Variants in TRPM3 observed in about 807,000 individuals in gnomAD.
TRPM3 encodes transient receptor potential cation channel subfamily M member 3.
In TRPM3, 77 loss-of-function variants were observed where a neutral mutation model predicts 181.2. The observed-to-expected ratio is 0.42, with a 90% CI of 0.35 to 0.51. TRPM3 has a LOEUF of 0.51. TRPM3 is among the 20% of genes least tolerant of loss of function. The probability of loss-of-function intolerance (pLI) is 0.01; values close to 1 mark genes in which losing one functional copy is unlikely to be tolerated. For synonymous variants in TRPM3, 745 were observed against 796.4 expected (o/e 0.94, Z 1.09); for missense variants, 1,759 against 2,196.7 (o/e 0.80, Z 3.98).
In TRPM3 at chr9:70,625,081, T is replaced by C. The variant is rs2064304179; in HGVS notation, c.1809+110A>G. ...TTTCTTTGATTGTTTAGGTTCACTCTCAGCGCAATTTTCTGATTTTAATTC... is the reference window on the plus strand; with the variant it reads ...TTTCTTTGATTGTTTAGGTTCACTCCCAGCGCAATTTTCTGATTTTAATTC... On this transcript the variant is annotated intron_variant, in intron 14 of 25. Transcript: ENST00000677713. This position sits in a 1 kb window ranked among gnomAD's most constrained non-coding sequence, Gnocchi z 4.8. 1.6e-6 allele frequency: 2 copies of C among 1,228,116 alleles called. No homozygotes were observed. The highest frequency in any genetic ancestry group is 1.6e-5 in the South Asian group (1 of 61,656). 76.1% of individuals were successfully genotyped at this position (1,228,116 alleles called of 1,614,324 possible). A position where few individuals can be genotyped will look rare whatever the true frequency, so the allele number is the denominator to read the frequency against.
chr9:70,765,751 T>A (rs897352440), intron 7 of TRPM3, among the ~76,000 whole-genome samples: 1 of 152,194 alleles, frequency 6.6e-6, no homozygotes, highest in Non-Finnish European at 1.5e-5. Context: ...TTAGGATATA[T>A]GGAAGCCTGC....
intron 1 of TRPM3, among the ~76,000 whole-genome samples, chr9:71,439,084 CT>C (rs2094093447): frequency 6.6e-6 from 1 of 152,068 alleles, no homozygotes; most frequent in African/African-American, 2.4e-5. Context: ...AATAAACTAC[CT>C]TTGGTAAAAA....
At chr9:71,213,546 G>GGA (rs2079646828) in intron 1 of TRPM3, among the ~76,000 whole-genome samples, 1 of 151,970 alleles carries the variant, frequency 6.6e-6, no homozygotes, top group South Asian at 2.1e-4. Flanking sequence ...TCTTTTTAAG[G>GGA]GAGAGATATG....
chr9:70,666,125 TCTC>T (rs1387435274), intron 9 of TRPM3, among the ~76,000 whole-genome samples: 1 of 152,154 alleles, frequency 6.6e-6, no homozygotes, highest in East Asian at 1.9e-4. Flanking sequence ...TCTTGTGACA[TCTC>T]CTCTCATGCA....
At position 70,603,333 on chromosome 9, in the gene TRPM3, A is replaced by G. The variant is rs1469832230; in HGVS notation, c.2796+9T>C. On this transcript the variant is annotated intron_variant, in intron 20 of 25. Coordinates refer to ENST00000677713, the MANE Select transcript of TRPM3 (RefSeq NM_001366145.2). ...TTTCTCTTACGTTTTCTTTTATAAAAGCCGTTACCTCTCTCATCTTTTCTA... is the reference window on the plus strand; with the variant it reads ...TTTCTCTTACGTTTTCTTTTATAAAGGCCGTTACCTCTCTCATCTTTTCTA... 6.2e-7 allele frequency: 1 copy of G among 1,609,562 alleles called. No homozygotes were observed. The highest frequency in any genetic ancestry group is 1.1e-5 in the South Asian group (1 of 90,164).
intron 8 of TRPM3, among the ~76,000 whole-genome samples, chr9:70,698,140 G>A (rs773629753): frequency 3.3e-5 from 5 of 151,700 alleles, no homozygotes; most frequent in Non-Finnish European, 1.5e-5. Flanking sequence ...CCCGGGAGAC[G>A]GAGGTTGCAG....
chr9:71,205,578 T>G (rs2079075638), intron 1 of TRPM3, among the ~76,000 whole-genome samples: 1 of 152,164 alleles, frequency 6.6e-6, no homozygotes, highest in Admixed American at 6.6e-5. Context: ...TGTCAAGTGT[T>G]AAAACACATT....
At position 70,607,742 on chromosome 9, in the gene TRPM3, G is replaced by A. The variant is rs376142138; in HGVS notation, c.2667+2867C>T. On this transcript the variant is annotated intron_variant, in intron 19 of 25. Coordinates refer to ENST00000677713, the MANE Select transcript of TRPM3 (RefSeq NM_001366145.2). Reference sequence around the variant, plus strand: ...TCTAACAAAACTCCCTTGTCATCATGGACGTTTTAGAGATATTGATACTAT... The same window carrying A: ...TCTAACAAAACTCCCTTGTCATCATAGACGTTTTAGAGATATTGATACTAT... Among the ~76,000 whole-genome samples, 8 of 152,256 alleles carry A rather than the reference G, an allele frequency of 5.3e-5. No individual in the cohort carries two copies. The East Asian group carries it at 1.2e-3, about 22-fold the overall frequency.
At chr9:70,697,900 C>T (rs905758456) in intron 8 of TRPM3, among the ~76,000 whole-genome samples, 6 of 152,128 alleles carry the variant, frequency 3.9e-5, no homozygotes, top group East Asian at 1.9e-4. Flanking sequence ...CCTAGGTTAC[C>T]GCTATAGCCC....
At chr9:70,749,114 TCTC>T (rs1287093608) in intron 8 of TRPM3, among the ~76,000 whole-genome samples, 1 of 152,098 alleles carries the variant, frequency 6.6e-6, no homozygotes, top group Non-Finnish European at 1.5e-5. Context: ...GATCCACACT[TCTC>T]AGCCTCCCAT....
At chr9:70,686,807 T>C (rs1358701990) in intron 8 of TRPM3, among the ~76,000 whole-genome samples, 1 of 116,168 alleles carries the variant, frequency 8.6e-6, no homozygotes, top group Non-Finnish European at 1.8e-5. Flanking sequence ...CCCTCCCTCT[T>C]TCTTTTCTTT....
chr9:70,985,491 G>T (rs966327061), intron 1 of TRPM3, among the ~76,000 whole-genome samples: 1 of 152,186 alleles, frequency 6.6e-6, no homozygotes, highest in Non-Finnish European at 1.5e-5. Flanking sequence ...TTCTTGTTAT[G>T]CAGGAAATGA....
intron 19 of TRPM3, among the ~76,000 whole-genome samples, chr9:70,604,722 T>C (rs2060692402): frequency 6.7e-6 from 1 of 150,046 alleles, no homozygotes; most frequent in South Asian, 2.1e-4. Context: ...TCTCGGCTCA[T>C]TGTAGCATTG....
intron 1 of TRPM3, among the ~76,000 whole-genome samples, chr9:71,007,253 C>T (rs998274110): frequency 1.3e-5 from 2 of 151,818 alleles, no homozygotes; most frequent in African/African-American, 4.8e-5. Context: ...GACTATAAAA[C>T]ACTAACAGTG....
chr9:71,300,750 C>A (rs183355068), intron 1 of TRPM3, among the ~76,000 whole-genome samples: 142 of 152,212 alleles, frequency 9.3e-4, no homozygotes, highest in African/African-American at 3.3e-3. Flanking sequence ...ACTGTGTAAG[C>A]AATCCCTAGA....
chr9:71,334,186 G>T (rs1335853436), intron 1 of TRPM3, among the ~76,000 whole-genome samples: 1 of 151,652 alleles, frequency 6.6e-6, no homozygotes, highest in African/African-American at 2.4e-5. Context: ...TAAAATTAGA[G>T]AAAAAAATTA....
intron 7 of TRPM3, among the ~76,000 whole-genome samples, chr9:70,780,378 T>A (rs1460484980): frequency 6.6e-6 from 1 of 152,224 alleles, no homozygotes; most frequent in Non-Finnish European, 1.5e-5. Flanking sequence ...TATCCAATTC[T>A]ATTTGTACAA....
At chr9:70,585,544 C>G (rs888576580) in intron 22 of TRPM3, among the ~76,000 whole-genome samples, 1 of 152,192 alleles carries the variant, frequency 6.6e-6, no homozygotes, top group Admixed American at 6.5e-5. Context: ...CCCATAGTTC[C>G]TTGTCCCAGA....
intron 6 of TRPM3, among the ~76,000 whole-genome samples, chr9:70,792,897 A>G (rs2085867748): frequency 6.6e-6 from 1 of 152,146 alleles, no homozygotes; most frequent in Admixed American, 6.5e-5. Flanking sequence ...AAAAAATTCT[A>G]CTCAATTTTG....
Sources: allele counts gnomAD v4.1 joint callset (sites outside exome capture counted in the v4.1 genomes callset), GRCh38; gene constraint gnomAD v4.1.1; non-coding constraint Gnocchi (gnomAD v3.1); transcripts MANE v1.5; gene names NCBI Gene and HGNC (gene_info 2026-07-23, HGNC 2026-07-21).